SCEL: variants seen among roughly 807,000 people sequenced by gnomAD.
SCEL encodes sciellin.
SCEL carries 113 observed loss-of-function variants against 117.6 expected under a neutral mutation model. The ratio of observed to expected loss-of-function variants is 0.96; its 90% CI spans 0.83 to 1.12. The LOEUF (loss-of-function observed/expected upper bound fraction) is 1.12. Ranked by LOEUF, SCEL falls within the 50% of genes most tolerant of loss-of-function variation. The probability of loss-of-function intolerance (pLI) is 0.00; values close to 1 mark genes in which losing one functional copy is unlikely to be tolerated. For missense variants in SCEL, 785 were observed against 810.8 expected, an observed-to-expected ratio of 0.97 and a Z score of 0.39; for synonymous variants, 270 against 256.2, an observed-to-expected ratio of 1.05 and a Z score of -0.51.
intron 1 of SCEL, among the ~76,000 whole-genome samples, chr13:77,544,612 G>C (rs1053477872): frequency 6.6e-6 from 1 of 152,164 alleles, no homozygotes; most frequent in African/African-American, 2.4e-5. Context: ...AGAGGAGCTG[G>C]GGCTCAGATT....
At chr13:77,557,888 T>C (rs2084751206) in intron 3 of SCEL, among the ~76,000 whole-genome samples, 1 of 152,166 alleles carries the variant, frequency 6.6e-6, no homozygotes, top group African/African-American at 2.4e-5. Flanking sequence ...GCAGATATGG[T>C]TATTTGAGGG....
chr13:77,544,478 G>A (rs1228687791), intron 1 of SCEL, among the ~76,000 whole-genome samples: 1 of 152,162 alleles, frequency 6.6e-6, no homozygotes, highest in Non-Finnish European at 1.5e-5. Flanking sequence ...AGATGATGAA[G>A]ATTCTAGCTG....
chr13:77,569,603 A>G, intron 8 of SCEL, 152 bp downstream of exon 8: 2 of 590,172 alleles, frequency 3.4e-6, no homozygotes, highest in Non-Finnish European at 3.0e-6. Context: ...TCTCAAATAT[A>G]GAGTCTTGTT....
chr13:77,588,946 T>C (rs574092730), intron 9 of SCEL, among the ~76,000 whole-genome samples, 198 bp from the exon 10 acceptor site: 96 of 152,332 alleles, frequency 6.3e-4, no homozygotes, highest in African/African-American at 2.2e-3. Context: ...AAATAAACTT[T>C]AAAAATACAC....
In SCEL at chr13:77,644,944, A is replaced by G. The variant is rs2090722237; in HGVS notation, c.*670A>G. The G allele has an allele frequency of 6.6e-6, 1 of 152,192 alleles. No homozygotes were observed. The highest frequency in any genetic ancestry group is 2.4e-5 in the African/African-American group (1 of 41,454). 9.4% of individuals were successfully genotyped at this position (152,192 alleles called of 1,614,324 possible). A position where few individuals can be genotyped will look rare whatever the true frequency, so the allele number is the denominator to read the frequency against. ...ATATGCATACATGTTTGTTAAGCCTATTGAACTAGGTAGGACATATAAACA... is the reference window on the plus strand; with the variant it reads ...ATATGCATACATGTTTGTTAAGCCTGTTGAACTAGGTAGGACATATAAACA... On this transcript the variant is annotated 3_prime_UTR_variant, in exon 33 of 33. Transcript: ENST00000349847.
intron 30 of SCEL, among the ~76,000 whole-genome samples, chr13:77,639,015 C>T (rs914720518): frequency 2.0e-5 from 3 of 152,124 alleles, no homozygotes; most frequent in African/African-American, 4.8e-5. Context: ...AGTCTGTCCA[C>T]GTACCTGTAT....
chr13:77,620,028 G>A (rs943600822), intron 27 of SCEL, among the ~76,000 whole-genome samples: 1 of 152,162 alleles, frequency 6.6e-6, no homozygotes, highest in African/African-American at 2.4e-5. Flanking sequence ...TCCGTAGAAA[G>A]ACGACATTTT....
chr13:77,571,400 A>AT (rs2085613713), intron 8 of SCEL, among the ~76,000 whole-genome samples: 1 of 144,776 alleles, frequency 6.9e-6, no homozygotes, highest in Admixed American at 6.9e-5. Context: ...AAAAAATTAT[A>AT]TTTTGAAGCT....
intron 31 of SCEL, among the ~76,000 whole-genome samples, chr13:77,641,578 G>A (rs2090558488): frequency 1.3e-5 from 2 of 152,138 alleles, no homozygotes; most frequent in African/African-American, 4.8e-5. Flanking sequence ...AGGAAAAATA[G>A]AATGATCGGG....
intron 9 of SCEL, among the ~76,000 whole-genome samples, chr13:77,587,472 C>G (rs1476836146): frequency 2.6e-5 from 4 of 152,132 alleles, no homozygotes; most frequent in African/African-American, 9.7e-5. Context: ...TACTGCCAAA[C>G]TGCCTCAATG....
At chr13:77,638,256 T>C (rs190877731) in intron 30 of SCEL, among the ~76,000 whole-genome samples, 49 of 152,314 alleles carry the variant, frequency 3.2e-4, no homozygotes, top group African/African-American at 1.2e-3. Flanking sequence ...TTGTCACTTT[T>C]CCAATATTTT....
chr13:77,639,475 C>T (rs1318963387), intron 30 of SCEL, among the ~76,000 whole-genome samples: 1 of 152,154 alleles, frequency 6.6e-6, no homozygotes, highest in African/African-American at 2.4e-5. Flanking sequence ...CCTCTCTGCT[C>T]CTACTTCTGG....
chr13:77,617,349 T>C (rs1273691749), intron 24 of SCEL, among the ~76,000 whole-genome samples: 1 of 152,168 alleles, frequency 6.6e-6, no homozygotes, highest in African/African-American at 2.4e-5. Flanking sequence ...TTATCAGATG[T>C]TTGCTATGGT....
At chr13:77,627,185 T>C (rs2089783115) in intron 27 of SCEL, among the ~76,000 whole-genome samples, 1 of 152,120 alleles carries the variant, frequency 6.6e-6, no homozygotes, top group Non-Finnish European at 1.5e-5. Context: ...AAGAATTGAT[T>C]TCAGGTGGGC....
chr13:77,638,971 A>T (rs759078680), intron 30 of SCEL, among the ~76,000 whole-genome samples: 9 of 152,010 alleles, frequency 5.9e-5, no homozygotes, highest in Non-Finnish European at 8.8e-5. Context: ...ACTTCACCCC[A>T]GGGGTTAGTG....
intron 9 of SCEL, among the ~76,000 whole-genome samples, chr13:77,583,458 A>G (rs2086378290): frequency 6.6e-6 from 1 of 152,202 alleles, no homozygotes; most frequent in Non-Finnish European, 1.5e-5. Context: ...CTTCGAAGGC[A>G]TGGACTACAT....
intron 27 of SCEL, among the ~76,000 whole-genome samples, chr13:77,626,453 A>G (rs2089737060): frequency 6.6e-6 from 1 of 152,170 alleles, no homozygotes. Flanking sequence ...TCTTTACAAA[A>G]TGATATGGTT....
At chr13:77,561,792 A>G (rs565732273) in intron 4 of SCEL, among the ~76,000 whole-genome samples, 68 of 152,186 alleles carry the variant, frequency 4.5e-4, no homozygotes, top group Non-Finnish European at 6.3e-4. Context: ...GATCTCACCA[A>G]GGAGGTGGTC....
At chr13:77,637,409 A>AATATATATACATAT (rs1189459765) in intron 30 of SCEL, among the ~76,000 whole-genome samples, 1,744 of 58,628 alleles carry the variant, frequency 0.03, 26 homozygotes, top group African/African-American at 0.056. Flanking sequence ...TACATATATA[A>AATATATATACATAT]ATAAATATAT....
Sources: allele counts gnomAD v4.1 joint callset (sites outside exome capture counted in the v4.1 genomes callset), GRCh38; gene constraint gnomAD v4.1.1; transcripts MANE v1.5; gene names NCBI Gene and HGNC (gene_info 2026-07-23, HGNC 2026-07-21).